The following SOX6 variants were observed in gnomAD, a reference collection of about 807,000 sequenced individuals.
SOX6 encodes SRY-box transcription factor 6.
A neutral mutation model predicts 97.8 loss-of-function variants in SOX6; 11 were observed. That is an observed-to-expected ratio of 0.11 (90% CI 0.07 to 0.19). The LOEUF (loss-of-function observed/expected upper bound fraction) is 0.19, where lower values mean the gene tolerates loss of function less well. Ranked by LOEUF, SOX6 falls within the 10% of genes least tolerant of loss-of-function variation. The probability of loss-of-function intolerance (pLI) is 1.00; values close to 1 mark genes in which losing one functional copy is unlikely to be tolerated. For missense variants in SOX6, 810 were observed against 1,039.5 expected, an observed-to-expected ratio of 0.78 and a Z score of 3.04; for synonymous variants, 360 against 371.4, an observed-to-expected ratio of 0.97 and a Z score of 0.35.
rs989828317 is a variant in SOX6, at chr11:16,402,873, T to C, written c.-4-61621A>G. The C allele has an allele frequency of 1.7e-5, 26 of 1,529,488 alleles. No individual in the cohort carries two copies. The African/African-American group carries it at 3.6e-4, about 21-fold the overall frequency. The allele number at this position is 1,529,488 out of a possible 1,614,324, so 94.7% of individuals were successfully genotyped here. On this transcript the variant is annotated intron_variant, in intron 1 of 15. Transcript: ENST00000396356. Reference sequence around the variant, plus strand: ...AATGGTCTCTCCTAACAACTAAAACTACACTCAGTTGGGCTGAATTCCAGA... The same window carrying C: ...AATGGTCTCTCCTAACAACTAAAACCACACTCAGTTGGGCTGAATTCCAGA...
At chr11:16,646,103 C>T (rs1016030042) in intron 3 of SOX6, 1 of 152,142 alleles carries the variant, frequency 6.6e-6, no homozygotes, top group Non-Finnish European at 1.5e-5. Context: ...GGGTTCCAGG[C>T]TGAATTAACA....
In SOX6 at chr11:16,250,064, A is replaced by G. The variant is rs528254187; in HGVS notation, c.446-15393T>C. 2.0e-5 allele frequency among the ~76,000 whole-genome samples: 3 copies of G among 152,300 alleles called. No homozygotes were observed. In the East Asian group the frequency reaches 5.8e-4, roughly 29 times the overall value. ...GGGAAGCCAAACTTTATAAAGCAGG[A>G]GTCCCCAACCCCTGGGCCATGGACT... is the stretch of plus-strand genomic sequence containing the variant. On this transcript the variant is annotated intron_variant, in intron 3 of 15. Transcript: ENST00000683767.
At chr11:16,331,927 A>G (rs571281361) in intron 2 of SOX6, among the ~76,000 whole-genome samples, 1 of 152,238 alleles carries the variant, frequency 6.6e-6, no homozygotes, top group Non-Finnish European at 1.5e-5. Context: ...GGAAAGAAAA[A>G]CTTTTCTCTG....
intron 3 of SOX6, chr11:16,314,737 A>G (rs1855710686): frequency 6.6e-6 from 1 of 152,160 alleles, no homozygotes; most frequent in Non-Finnish European, 1.5e-5. Context: ...TGTGGTTCCT[A>G]TGACATTGTC....
At chr11:16,281,042 G>T (rs1590088229) in intron 3 of SOX6, among the ~76,000 whole-genome samples, 1 of 152,076 alleles carries the variant, frequency 6.6e-6, no homozygotes, top group South Asian at 2.1e-4. Flanking sequence ...CCTCAACAAA[G>T]TAGGACAGTA....
rs186728739 is a variant in SOX6, at chr11:16,490,824, T to G, written n.610-14436A>C. On this transcript the variant is annotated intron_variant and non_coding_transcript_variant, in intron 4 of 5. Transcript: ENST00000524520. Reference sequence around the variant, plus strand: ...TAAAGGCAGAAAAATATAAAAGACTTAATTAATATCATCAACAAATTTGAC... The same window carrying G: ...TAAAGGCAGAAAAATATAAAAGACTGAATTAATATCATCAACAAATTTGAC... Among the ~76,000 whole-genome samples, 281 of 152,180 alleles carry G rather than the reference T, an allele frequency of 1.8e-3. 1 individual carries two copies. The highest frequency in any genetic ancestry group is 3.1e-3 in the Non-Finnish European group (209 of 67,960).
At chr11:16,512,504 G>A (rs1292835386) in intron 4 of SOX6, among the ~76,000 whole-genome samples, 1 of 152,168 alleles carries the variant, frequency 6.6e-6, no homozygotes, top group Non-Finnish European at 1.5e-5. Flanking sequence ...CAGTGCTCAA[G>A]AAGCACACAC....
intron 1 of SOX6, among the ~76,000 whole-genome samples, chr11:16,428,800 G>C (rs1290979935): frequency 6.6e-6 from 1 of 152,160 alleles, no homozygotes; most frequent in Admixed American, 6.5e-5. Context: ...GATTGACTTG[G>C]AAATGCAGGC....
chr11:16,672,916 C>CA, intron 3 of SOX6, among the ~76,000 whole-genome samples: 1 of 152,062 alleles, frequency 6.6e-6, no homozygotes, highest in Middle Eastern at 3.4e-3. Flanking sequence ...CAACAAATAT[C>CA]AAAAAAGACA....
At chr11:16,017,305 A>T (rs1447190577) in intron 12 of SOX6, among the ~76,000 whole-genome samples, 1 of 152,108 alleles carries the variant, frequency 6.6e-6, no homozygotes, top group Admixed American at 6.6e-5. Context: ...TCCCTTTAAA[A>T]TATCAATATT....
At chr11:16,623,383 C>A (rs1383135280) in intron 3 of SOX6, among the ~76,000 whole-genome samples, 2 of 151,750 alleles carry the variant, frequency 1.3e-5, no homozygotes, top group African/African-American at 4.8e-5. Context: ...ATTGTCTATT[C>A]ATGTCCTTAG....
intron 4 of SOX6, among the ~76,000 whole-genome samples, chr11:16,524,047 G>A (rs1013194953): frequency 2.6e-5 from 4 of 152,120 alleles, no homozygotes; most frequent in African/African-American, 9.7e-5. Context: ...TCTACCAGAG[G>A]TACAAGGAGG....
intron 4 of SOX6, among the ~76,000 whole-genome samples, chr11:16,212,281 C>T (rs558452189): frequency 6.6e-6 from 1 of 152,018 alleles, no homozygotes; most frequent in South Asian, 2.1e-4. Context: ...GCAGAGCTTG[C>T]TTTTATTTTT....
chr11:16,468,928 T>C (rs1215810444), intron 1 of SOX6, among the ~76,000 whole-genome samples: 2 of 152,158 alleles, frequency 1.3e-5, no homozygotes, highest in African/African-American at 2.4e-5. Flanking sequence ...TTTTGAAATT[T>C]TGAAAATGTT....
intron 12 of SOX6, among the ~76,000 whole-genome samples, chr11:16,024,085 T>G (rs1352567898): frequency 6.6e-6 from 1 of 152,090 alleles, no homozygotes; most frequent in Non-Finnish European, 1.5e-5. Flanking sequence ...CCAATCTGAC[T>G]GGTGTACTTA....
At chr11:16,281,038 C>G (rs1008426377) in intron 3 of SOX6, among the ~76,000 whole-genome samples, 2 of 152,018 alleles carry the variant, frequency 1.3e-5, no homozygotes, top group Non-Finnish European at 2.9e-5. Flanking sequence ...CAGCCCTCAA[C>G]AAAGTAGGAC....
chr11:16,170,603 A>C (rs1851012961), intron 6 of SOX6, among the ~76,000 whole-genome samples: 1 of 151,978 alleles, frequency 6.6e-6, no homozygotes, highest in Admixed American at 6.6e-5. Flanking sequence ...GGCAAAACTG[A>C]AATGGTTAAG....
intron 4 of SOX6, among the ~76,000 whole-genome samples, chr11:16,574,229 T>C (rs1376631270): frequency 6.6e-6 from 1 of 152,038 alleles, no homozygotes; most frequent in African/African-American, 2.4e-5. Flanking sequence ...TTCTACAAAA[T>C]AACAAAACTT....
At chr11:16,067,384 T>C (rs1310962855) in intron 9 of SOX6, among the ~76,000 whole-genome samples, 1 of 152,184 alleles carries the variant, frequency 6.6e-6, no homozygotes, top group African/African-American at 2.4e-5. Context: ...CGTGCTGTTC[T>C]CATGATAGTG....
Sources: gnomAD v4.1 joint callset for allele counts (sites outside exome capture counted in the v4.1 genomes callset) on GRCh38, gnomAD v4.1.1 for gene constraint, MANE v1.5 for transcripts, NCBI Gene and HGNC (gene_info 2026-07-23, HGNC 2026-07-21) for gene names.